ASIC2: variants seen among roughly 807,000 people sequenced by gnomAD.
The protein encoded by ASIC2 is acid sensing ion channel subunit 2.
Under a neutral mutation model 57.3 loss-of-function variants are expected in ASIC2, and 25 were observed. That is an observed-to-expected ratio of 0.44 (90% confidence interval 0.32 to 0.61). The LOEUF is 0.61. Ranked by LOEUF, ASIC2 falls within the 20% of genes least tolerant of loss-of-function variation. ASIC2 has a pLI of 0.06. For synonymous variants in ASIC2, 319 were observed against 307.5 expected, an observed-to-expected ratio of 1.04 and a Z score of -0.39; for missense variants, 641 against 738.1, an observed-to-expected ratio of 0.87 and a Z score of 1.52.
At chr17:33,419,798 A>G (rs1053489442) in intron 1 of ASIC2, among the ~76,000 whole-genome samples, 3 of 152,224 alleles carry the variant, frequency 2.0e-5, no homozygotes, top group Admixed American at 2.0e-4. Context: ...AAGATGGACT[A>G]ACATACAAAC....
intron 1 of ASIC2, among the ~76,000 whole-genome samples, chr17:33,884,577 G>A (rs763287107): frequency 3.9e-5 from 6 of 152,168 alleles, no homozygotes; most frequent in Non-Finnish European, 7.4e-5. Flanking sequence ...TGTCCTTGGA[G>A]CAGCTTCAGC....
At chr17:33,026,772 G>A (rs565733769) in intron 4 of ASIC2, among the ~76,000 whole-genome samples, 1 of 152,058 alleles carries the variant, frequency 6.6e-6, no homozygotes, top group Non-Finnish European at 1.5e-5. Context: ...AGAAACCCAG[G>A]ATCTTTTCTT....
At chr17:33,102,459 T>C (rs1390473824) in intron 2 of ASIC2, among the ~76,000 whole-genome samples, 1 of 152,216 alleles carries the variant, frequency 6.6e-6, no homozygotes, top group Non-Finnish European at 1.5e-5. Context: ...GTCTGGTTTT[T>C]TGTTTTTGAC....
chr17:33,460,736 G>A (rs1356785696), intron 1 of ASIC2, among the ~76,000 whole-genome samples: 2 of 152,148 alleles, frequency 1.3e-5, no homozygotes, highest in Admixed American at 6.6e-5. Flanking sequence ...GACCCAGTGA[G>A]GTGCATACTG....
At chr17:33,897,918 A>G (rs1017553771) in intron 1 of ASIC2, among the ~76,000 whole-genome samples, 11 of 152,204 alleles carry the variant, frequency 7.2e-5, no homozygotes, top group African/African-American at 2.2e-4. Context: ...GAAATCGAAG[A>G]TGGATGATGA....
intron 1 of ASIC2, among the ~76,000 whole-genome samples, chr17:33,909,985 G>A (rs1396978291): frequency 6.6e-6 from 1 of 152,116 alleles, no homozygotes; most frequent in Non-Finnish European, 1.5e-5. Context: ...GCAGACCTCA[G>A]TCTCTTCACC....
chr17:33,902,390 A>G (rs773303260), intron 1 of ASIC2, among the ~76,000 whole-genome samples: 78 of 152,376 alleles, frequency 5.1e-4, no homozygotes, highest in Middle Eastern at 3.4e-3. Flanking sequence ...TTACACTAAA[A>G]TAGAGTACAT....
chr17:33,952,225 C>T (rs553524655), intron 1 of ASIC2, among the ~76,000 whole-genome samples: 24 of 152,096 alleles, frequency 1.6e-4, no homozygotes, highest in Admixed American at 3.3e-4. Context: ...TTCTAATATG[C>T]TTCCAAATTT....
At chr17:33,052,864 T>C (rs2091982809) in intron 3 of ASIC2, 1 of 152,190 alleles carries the variant, frequency 6.6e-6, no homozygotes, top group Non-Finnish European at 1.5e-5. Context: ...CGTGACTAGT[T>C]CTCACCATTG....
chr17:33,920,931 A>G (rs369132099), intron 1 of ASIC2, among the ~76,000 whole-genome samples: 6 of 152,320 alleles, frequency 3.9e-5, no homozygotes, highest in East Asian at 1.9e-4. Flanking sequence ...TCCTAGCCCT[A>G]GAAGTCCAGT....
intron 1 of ASIC2, among the ~76,000 whole-genome samples, chr17:34,048,302 T>A: frequency 6.6e-6 from 1 of 152,234 alleles, no homozygotes; most frequent in Admixed American, 6.5e-5. Flanking sequence ...CTTCTAAAAT[T>A]TGGTTCGGAG....
chr17:33,755,048 G>A (rs1442020569), intron 1 of ASIC2, among the ~76,000 whole-genome samples: 1 of 151,666 alleles, frequency 6.6e-6, no homozygotes, highest in African/African-American at 2.4e-5. Flanking sequence ...ATGGGATTAA[G>A]TTAAAGATTT....
At chr17:33,628,190 A>G (rs1215626831) in intron 1 of ASIC2, among the ~76,000 whole-genome samples, 2 of 152,032 alleles carry the variant, frequency 1.3e-5, no homozygotes, top group Admixed American at 6.6e-5. Context: ...AGCCCCTTCT[A>G]TGGGGACCTA....
chr17:33,585,481 G>A (rs1406464903), intron 1 of ASIC2, among the ~76,000 whole-genome samples: 1 of 152,174 alleles, frequency 6.6e-6, no homozygotes, highest in African/African-American at 2.4e-5. Flanking sequence ...GTAGAAAATT[G>A]CAGATACCAG....
intron 1 of ASIC2, among the ~76,000 whole-genome samples, chr17:33,242,621 T>C (rs1248295174): frequency 1.3e-5 from 2 of 152,186 alleles, no homozygotes; most frequent in Non-Finnish European, 2.9e-5. Context: ...TCGATAAACA[T>C]AAGAGCCTTA....
chr17:33,440,131 G>A (rs1911774088), intron 1 of ASIC2, among the ~76,000 whole-genome samples: 1 of 152,104 alleles, frequency 6.6e-6, no homozygotes, highest in Non-Finnish European at 1.5e-5. Flanking sequence ...ATGCTCTCTT[G>A]TGCCCATTTG....
chr17:33,753,333 G>C (rs1027637750), intron 1 of ASIC2, among the ~76,000 whole-genome samples: 2 of 152,162 alleles, frequency 1.3e-5, no homozygotes, highest in African/African-American at 2.4e-5. Context: ...GGTGAAGCTT[G>C]GGGGTGGGAG....
chr17:33,873,588 T>A lies in ASIC2; in HGVS notation c.555+282390A>T, dbSNP rs186411639. Reference sequence around the variant, plus strand: ...TTTACCTCTCTGAGCCTCAAAATCCTTATCTGTAAAAATTGGGTAATAATA... The same window carrying A: ...TTTACCTCTCTGAGCCTCAAAATCCATATCTGTAAAAATTGGGTAATAATA... On this transcript the variant is annotated intron_variant, in intron 1 of 9. Transcript: ENST00000359872. Among the ~76,000 whole-genome samples, 353 of 152,332 alleles carry A rather than the reference T, an allele frequency of 2.3e-3. 5 individuals are homozygous for A. Among genetic ancestry groups the A allele is most frequent in the African/African-American group, 8.1e-3 (338 of 41,574 alleles).
chr17:33,013,792 G>A lies in ASIC2; in HGVS notation c.*173C>T, dbSNP rs143229408. 22 of 635,410 alleles carry A rather than the reference G, an allele frequency of 3.5e-5. No homozygotes were observed. The highest frequency in any genetic ancestry group is 2.9e-4 in the African/African-American group (16 of 54,770). 39.4% of individuals were successfully genotyped at this position (635,410 alleles called of 1,614,324 possible). ...GACGCACGGCGGGGCCCAAGGATGC[G>A]TCGTGTTGGACGTGGCCGGAGCGAG... On this transcript the variant is annotated 3_prime_UTR_variant, in exon 10 of 10. Coordinates refer to ENST00000225823, the MANE Select transcript of ASIC2 (RefSeq NM_183377.2).
Sources: allele counts gnomAD v4.1 joint callset (sites outside exome capture counted in the v4.1 genomes callset), GRCh38; gene constraint gnomAD v4.1.1; transcripts MANE v1.5; gene names NCBI Gene and HGNC (gene_info 2026-07-23, HGNC 2026-07-21).